The following ANKRD33B variants were observed in gnomAD, a reference collection of about 807,000 sequenced individuals.
ANKRD33B encodes ankyrin repeat domain-containing protein 33B.
ANKRD33B carries 6 observed loss-of-function variants against 21.5 expected under a neutral mutation model. The observed-to-expected ratio is 0.28, with a 90% CI of 0.15 to 0.55. ANKRD33B has a LOEUF of 0.55. Ranked by LOEUF, ANKRD33B falls within the 20% of genes least tolerant of loss-of-function variation. The pLI is 0.94. For missense variants in ANKRD33B, 698 were observed against 747.2 expected, an observed-to-expected ratio of 0.93 and a Z score of 0.77; for synonymous variants, 347 against 342.4, an observed-to-expected ratio of 1.01 and a Z score of -0.15.
chr5:10,565,378 G>T, intron 1 of ANKRD33B, among the ~76,000 whole-genome samples: 1 of 152,220 alleles, frequency 6.6e-6, no homozygotes, highest in South Asian at 2.1e-4. Context: ...TTCTTCCCTC[G>T]CCGGGACAGC....
intron 3 of ANKRD33B, 37 bp from the exon 4 acceptor site, chr5:10,649,229 C>A (rs781539872): frequency 6.7e-7 from 1 of 1,488,852 alleles, no homozygotes; most frequent in South Asian, 1.3e-5. Context: ...GTCCTTGTTG[C>A]CGCCACCCAC....
intron 1 of ANKRD33B, among the ~76,000 whole-genome samples, chr5:10,594,839 C>T (rs112126816): frequency 1.8e-3 from 268 of 152,198 alleles, no homozygotes; most frequent in Admixed American, 4.0e-3. Flanking sequence ...AGTTGACTGC[C>T]GTTGAGCGGG....
At chr5:10,648,563 T>C (rs7736566) in intron 3 of ANKRD33B, among the ~76,000 whole-genome samples, 45,373 of 151,098 alleles carry the variant, frequency 0.3, 6,758 homozygotes, top group Middle Eastern at 0.32. Context: ...AGTTCGAGAC[T>C]AGCCTGACCA....
At chr5:10,607,438 T>G (rs984422480) in intron 1 of ANKRD33B, among the ~76,000 whole-genome samples, 4 of 152,196 alleles carry the variant, frequency 2.6e-5, no homozygotes, top group African/African-American at 9.7e-5. Context: ...CACCTGCTAT[T>G]TCACTTACGT....
chr5:10,564,772 G>A lies in ANKRD33B; in HGVS notation c.305G>A (p.Arg102Gln). ...TGCGCCAACAACGTGGGGCTGCTGC[G>A]GACGCTGGTGCGGCGCGGGGTGAGC... is the stretch of plus-strand genomic sequence containing the variant. ...AACANNVGLLRTLVRRGVSVE... is the reference protein window; with the variant it reads ...AACANNVGLLQTLVRRGVSVE... Residue 102 changes from arginine (R) to glutamine (Q), a missense_variant, in exon 1 of 4, where the codon CGG becomes CAG. Physicochemically the swap from Arg to Gln is conservative, Grantham distance 43. This residue lies in a region of ANKRD33B where 148 missense variants were observed against 154.9 expected (regional missense o/e 0.96). Coordinates refer to ENST00000296657, the MANE Select transcript of ANKRD33B (RefSeq NM_001164440.2). 1 of 1,526,462 alleles carries A rather than the reference G, an allele frequency of 6.6e-7. No homozygotes were observed. Among genetic ancestry groups the A allele is most frequent in the Non-Finnish European group, 8.8e-7 (1 of 1,140,632 alleles). The allele number at this position is 1,526,462 out of a possible 1,614,324, so 94.6% of individuals were successfully genotyped here.
chr5:10,583,458 C>T (rs994334867), intron 1 of ANKRD33B, among the ~76,000 whole-genome samples: 2 of 152,220 alleles, frequency 1.3e-5, no homozygotes, highest in Admixed American at 6.5e-5. Context: ...TGGCAAGGTG[C>T]TGAGTAGCAT....
chr5:10,608,601 CAG>C (rs1397531927), intron 1 of ANKRD33B, among the ~76,000 whole-genome samples: 3 of 149,102 alleles, frequency 2.0e-5, no homozygotes, highest in Non-Finnish European at 4.4e-5. Flanking sequence ...GCTAGGAAAA[CAG>C]AAAAAGGTAA....
At chr5:10,610,406 C>CG (rs1560972969) in intron 1 of ANKRD33B, among the ~76,000 whole-genome samples, 1 of 151,844 alleles carries the variant, frequency 6.6e-6, no homozygotes, top group African/African-American at 2.4e-5. Flanking sequence ...GGACAGCCCC[C>CG]CCCCCGAATA....
rs1736337730 is a variant in ANKRD33B, at chr5:10,618,411, A to C, written c.445A>C (p.Asn149His). Reference protein sequence around the residue: ...ALAECPHVDVNWQDSEGNTAL... With the variant: ...ALAECPHVDVHWQDSEGNTAL... ...AGCAGAGTGCCCCCACGTTGACGTC[A>C]ACTGGCAGGACAGCGAGGGGAACAC... The change falls in exon 2 of 4, where the codon AAC (asparagine) becomes CAC (histidine). Residue 149 changes from asparagine to histidine, a missense_variant. This residue lies in a region of ANKRD33B where 543 missense variants were observed against 566.5 expected (regional missense o/e 0.96). Transcript: ENST00000296657. 6.5e-7 allele frequency: 1 copy of C among 1,537,476 alleles called. No homozygotes were observed. The highest frequency in any genetic ancestry group is 1.4e-5 in the African/African-American group (1 of 73,034).
intron 1 of ANKRD33B, among the ~76,000 whole-genome samples, chr5:10,593,596 A>C (rs13184666): frequency 0.065 from 9,846 of 152,034 alleles, 417 homozygotes; most frequent in Middle Eastern, 0.099. Flanking sequence ...CCATGACTCC[A>C]GCCCAACTCC....
intron 1 of ANKRD33B, among the ~76,000 whole-genome samples, chr5:10,582,516 T>G (rs1424186373): frequency 1.3e-5 from 2 of 152,234 alleles, no homozygotes; most frequent in Non-Finnish European, 2.9e-5. Flanking sequence ...AGATTTATCT[T>G]CATGTATGTG....
At chr5:10,566,759 T>C (rs894457042) in intron 1 of ANKRD33B, among the ~76,000 whole-genome samples, 4 of 152,218 alleles carry the variant, frequency 2.6e-5, no homozygotes, top group African/African-American at 9.6e-5. Context: ...TATGGGAGGC[T>C]AGCTCCAGCC....
chr5:10,619,657 C>T lies in ANKRD33B; in HGVS notation c.496+1195C>T, dbSNP rs899656776. ...AACATGTGTTCACCTCCTCAGGTTT[C>T]GAAGCGTGAGGCATCACTTCCATGG... On this transcript the variant is annotated intron_variant, in intron 2 of 3. Coordinates refer to ENST00000296657, the MANE Select transcript of ANKRD33B (RefSeq NM_001164440.2). The surrounding 1 kb of genome is among the most constrained non-coding windows in gnomAD (Gnocchi z 4.5). Among the ~76,000 whole-genome samples the T allele has an allele frequency of 1.3e-5, 2 of 152,194 alleles. No homozygotes were observed. The highest frequency in any genetic ancestry group is 2.9e-5 in the Non-Finnish European group (2 of 68,050).
chr5:10,599,188 C>G (rs1265125095), intron 1 of ANKRD33B, among the ~76,000 whole-genome samples: 1 of 151,968 alleles, frequency 6.6e-6, no homozygotes. Flanking sequence ...GATTCTTTCA[C>G]TCAACATAAT....
At chr5:10,570,509 T>C (rs562063923) in intron 1 of ANKRD33B, among the ~76,000 whole-genome samples, 3 of 152,190 alleles carry the variant, frequency 2.0e-5, no homozygotes, top group African/African-American at 7.2e-5. Flanking sequence ...ATGCTTCAGC[T>C]TGGCTGAAGC....
At chr5:10,572,503 A>G (rs1735221224) in intron 1 of ANKRD33B, among the ~76,000 whole-genome samples, 2 of 152,296 alleles carry the variant, frequency 1.3e-5, no homozygotes, top group Middle Eastern at 6.8e-3. Flanking sequence ...GAATGGATGA[A>G]GTTACAGGTT....
At chr5:10,638,755 A>G (rs1431110369) in intron 3 of ANKRD33B, among the ~76,000 whole-genome samples, 1 of 151,100 alleles carries the variant, frequency 6.6e-6, no homozygotes, top group East Asian at 2.0e-4. Context: ...GTTGCTTGTT[A>G]ACGTTAGGAG....
rs1474831640 is a variant in ANKRD33B, at chr5:10,650,061, A to G, written c.1433A>G (p.Gln478Arg). 2 of 1,529,952 alleles carry G rather than the reference A, an allele frequency of 1.3e-6. No individual in the cohort carries two copies. Among genetic ancestry groups the G allele is most frequent in the South Asian group, 2.4e-5 (2 of 83,624 alleles). The allele number at this position is 1,529,952 out of a possible 1,614,324, so 94.8% of individuals were successfully genotyped here. A position where few individuals can be genotyped will look rare whatever the true frequency, so the allele number is the denominator to read the frequency against. The change falls in exon 4 of 4, where the codon CAG (glutamine) becomes CGG (arginine). Residue 478 changes from glutamine to arginine, a missense_variant. This residue lies in a region of ANKRD33B where 543 missense variants were observed against 566.5 expected (regional missense o/e 0.96). Coordinates refer to ENST00000296657, the MANE Select transcript of ANKRD33B (RefSeq NM_001164440.2). ...GCAGAGGAGGCCGAAAAGAAGCGCCAGGCCGAGGCGCAGAAGGAGAGGCGC... is the reference window on the plus strand; with the variant it reads ...GCAGAGGAGGCCGAAAAGAAGCGCCGGGCCGAGGCGCAGAAGGAGAGGCGC... ...RKAEEAEKKR[Q>R]AEAQKERRTA...
At chr5:10,605,729 A>G (rs1215146418) in intron 1 of ANKRD33B, among the ~76,000 whole-genome samples, 2 of 151,986 alleles carry the variant, frequency 1.3e-5, no homozygotes, top group Non-Finnish European at 2.9e-5. Context: ...GGGTTTCACC[A>G]TGTTGGCCAG....
Sources: gnomAD v4.1 joint callset for allele counts (sites outside exome capture counted in the v4.1 genomes callset) on GRCh38, gnomAD v4.1.1 for gene constraint, gnomAD v4.1.1 regional missense constraint, Gnocchi (gnomAD v3.1) non-coding constraint, MANE v1.5 for transcripts, NCBI Gene and HGNC (gene_info 2026-07-23, HGNC 2026-07-21) for gene names.